The following SH3KBP1 variants were observed in gnomAD, a reference collection of about 807,000 sequenced individuals.
The protein encoded by SH3KBP1 is SH3 domain containing kinase binding protein 1.
Under a neutral mutation model 50.1 loss-of-function variants are expected in SH3KBP1, and 8 were observed. The ratio of observed to expected loss-of-function variants is 0.16; its 90% CI spans 0.09 to 0.29. The LOEUF (loss-of-function observed/expected upper bound fraction) is 0.29, where lower values mean the gene tolerates loss of function less well. Ranked by LOEUF, SH3KBP1 falls within the 10% of genes least tolerant of loss-of-function variation. SH3KBP1 has a pLI of 1.00. For missense variants in SH3KBP1, 377 were observed against 535.2 expected (o/e 0.70, Z 2.92); for synonymous variants, 227 against 218.6 (o/e 1.04, Z -0.34).
intron 3 of SH3KBP1, among the ~76,000 whole-genome samples, chrX:19,721,471 A>T (rs905789298): frequency 9.0e-6 from 1 of 111,582 alleles, no homozygotes; most frequent in Non-Finnish European, 1.9e-5. Flanking sequence ...AATTATGATC[A>T]CCTCCTGACC....
chrX:19,804,097 G>A (rs979736336), intron 2 of SH3KBP1, among the ~76,000 whole-genome samples: 45 of 111,934 alleles, frequency 4.0e-4, no homozygotes, highest in African/African-American at 1.3e-3. Flanking sequence ...AGTTGAACTC[G>A]GGAGGCAGAG....
At chrX:19,800,700 T>G (rs1358247299) in intron 2 of SH3KBP1, among the ~76,000 whole-genome samples, 1 of 112,059 alleles carries the variant, frequency 8.9e-6, no homozygotes, top group Non-Finnish European at 1.9e-5. Flanking sequence ...ATTAGTGAGA[T>G]CTGAATTGAT....
chrX:19,678,399 T>C (rs1240524060), intron 6 of SH3KBP1, among the ~76,000 whole-genome samples: 2 of 108,145 alleles, frequency 1.8e-5, no homozygotes, highest in African/African-American at 6.8e-5. Flanking sequence ...GATTCTAAAA[T>C]TTAAATTAAA....
At chrX:19,604,788 T>C (rs2067193534) in intron 9 of SH3KBP1, among the ~76,000 whole-genome samples, 1 of 112,377 alleles carries the variant, frequency 8.9e-6, no homozygotes, top group African/African-American at 3.2e-5. Flanking sequence ...CTGGTTTTTA[T>C]AGACCAGAGG....
At chrX:19,831,567 G>A (rs1483513341) in intron 2 of SH3KBP1, among the ~76,000 whole-genome samples, 13 of 108,516 alleles carry the variant, frequency 1.2e-4, no homozygotes, top group Admixed American at 8.9e-4. Context: ...CGAGGCAGAC[G>A]GATCACCTGA....
At chrX:19,717,822 G>C (rs1405533295) in intron 3 of SH3KBP1, among the ~76,000 whole-genome samples, 1 of 111,613 alleles carries the variant, frequency 9.0e-6, no homozygotes, top group Non-Finnish European at 1.9e-5. Context: ...CTAAACCGTA[G>C]AGCAGGGCTA....
At position 19,649,724 on chromosome X, in the gene SH3KBP1, G is replaced by C. The variant is rs149354414; in HGVS notation, c.727-4249C>G. Among the ~76,000 whole-genome samples, 35 of 111,915 alleles carry C rather than the reference G, an allele frequency of 3.1e-4. 1 individual carries two copies. The East Asian group carries it at 9.0e-3, about 29-fold the overall frequency. ...TGTACTCCTAGCGCTACAAGATCCA[G>C]TGGTACAGCATCAAGACAGATAACC... On this transcript the variant is annotated intron_variant, in intron 6 of 17. Transcript: ENST00000397821.
chrX:19,663,266 G>A (rs920754389), intron 6 of SH3KBP1, among the ~76,000 whole-genome samples: 4 of 111,395 alleles, frequency 3.6e-5, no homozygotes, highest in Non-Finnish European at 5.7e-5. Flanking sequence ...TTTTAATCAC[G>A]TGCTTCTTAA....
chrX:19,835,639 C>T (rs1420214542), intron 2 of SH3KBP1, among the ~76,000 whole-genome samples: 7 of 106,163 alleles, frequency 6.6e-5, no homozygotes, highest in South Asian at 8.4e-4. Flanking sequence ...AGTGCAGTGG[C>T]GCAATCTCAG....
At chrX:19,799,353 G>A (rs1226274907) in intron 2 of SH3KBP1, among the ~76,000 whole-genome samples, 3 of 111,523 alleles carry the variant, frequency 2.7e-5, no homozygotes, top group African/African-American at 9.8e-5. Context: ...AGATGACAGA[G>A]CTATTCAAAA....
At chrX:19,670,272 T>C (rs2062753395) in intron 6 of SH3KBP1, 1 of 609,515 alleles carries the variant, frequency 1.6e-6, no homozygotes, top group South Asian at 8.5e-5. Flanking sequence ...TACCCCATCA[T>C]AAAAAAAGCA....
At chrX:19,684,864 C>T (rs768181273) in intron 5 of SH3KBP1, among the ~76,000 whole-genome samples, 2 of 112,248 alleles carry the variant, frequency 1.8e-5, no homozygotes, top group Non-Finnish European at 3.8e-5. Flanking sequence ...ATTAGCAAGA[C>T]AACATGGACA....
At chrX:19,747,816 C>T (rs1005661435) in intron 2 of SH3KBP1, 1 of 300,289 alleles carries the variant, frequency 3.3e-6, no homozygotes, top group Admixed American at 3.4e-5. Flanking sequence ...CTAGGCGAAG[C>T]TCAGCCCTAG....
chrX:19,561,060 C>G (rs1381113669), intron 13 of SH3KBP1, among the ~76,000 whole-genome samples: 1 of 79,295 alleles, frequency 1.3e-5, no homozygotes, highest in African/African-American at 5.3e-5. Flanking sequence ...GGCAACAGAG[C>G]AAGACCCTGT....
chrX:19,774,660 AAGAAAGAAAGAAAGAAAG>A (rs1569466408), intron 2 of SH3KBP1, among the ~76,000 whole-genome samples: 115 of 66,437 alleles, frequency 1.7e-3, no homozygotes, highest in South Asian at 9.5e-3. Flanking sequence ...AAAAAAAAGA[AAGAAAGAAAGAAAGAAAG>A]AAAGAAAGAA....
intron 1 of SH3KBP1, among the ~76,000 whole-genome samples, chrX:19,840,684 C>T (rs1178643118): frequency 8.9e-6 from 1 of 112,431 alleles, no homozygotes; most frequent in African/African-American, 3.2e-5. Context: ...AAGGATGAAA[C>T]ATTACCTATG....
chrX:19,707,333 A>C (rs1196707233), intron 3 of SH3KBP1, among the ~76,000 whole-genome samples: 1 of 112,152 alleles, frequency 8.9e-6, no homozygotes, highest in Non-Finnish European at 1.9e-5. Context: ...TTTTAATGGA[A>C]GCTGATGTGA....
chrX:19,873,000 C>T (rs748114531), intron 1 of SH3KBP1, among the ~76,000 whole-genome samples: 1 of 109,335 alleles, frequency 9.1e-6, no homozygotes, highest in East Asian at 2.9e-4. Flanking sequence ...CTTCTTCCTT[C>T]TCATCATCAG....
intron 7 of SH3KBP1, among the ~76,000 whole-genome samples, chrX:19,636,957 A>G (rs968446576): frequency 8.9e-6 from 1 of 112,222 alleles, no homozygotes; most frequent in Admixed American, 9.4e-5. Context: ...GGGACAGTAC[A>G]ACAAAAGTAT....
Sources: allele counts gnomAD v4.1 joint callset (sites outside exome capture counted in the v4.1 genomes callset), GRCh38; gene constraint gnomAD v4.1.1; transcripts MANE v1.5; gene names NCBI Gene and HGNC (gene_info 2026-07-23, HGNC 2026-07-21).